GRIK4: variants seen among roughly 807,000 people sequenced by gnomAD.
GRIK4 encodes glutamate ionotropic receptor kainate type subunit 4.
A neutral mutation model predicts 104.9 loss-of-function variants in GRIK4; 40 were observed. The observed-to-expected ratio is 0.38, with a 90% confidence interval of 0.30 to 0.50. GRIK4 has a LOEUF of 0.50. Ranked by LOEUF, GRIK4 falls within the 20% of genes least tolerant of loss-of-function variation. GRIK4 has a pLI of 0.93. For missense variants in GRIK4, 1,047 were observed against 1,308.1 expected, an observed-to-expected ratio of 0.80 and a Z score of 3.08; for synonymous variants, 485 against 524.9, an observed-to-expected ratio of 0.92 and a Z score of 1.04.
Position 120,802,868 on chromosome 11 carries a change from T to A in GRIK4, c.247+11T>A. On this transcript the variant is annotated intron_variant, in intron 4 of 20. Transcript: ENST00000527524. ...AGACTGCAGAAACCAGTACGTAGAC[T>A]GGGCAGGGCTGCCTCTTCCCTTGCT... 6.2e-7 allele frequency: 1 copy of A among 1,612,508 alleles called. No homozygotes were observed. The highest frequency in any genetic ancestry group is 8.5e-7 in the Non-Finnish European group (1 of 1,178,616).
At chr11:120,844,235 C>T (rs915315882) in intron 8 of GRIK4, among the ~76,000 whole-genome samples, 5 of 152,136 alleles carry the variant, frequency 3.3e-5, no homozygotes, top group African/African-American at 4.8e-5. Context: ...GGTGAGTTGA[C>T]GCTACTCATC....
In GRIK4 at chr11:120,550,829, C is replaced by T. The variant is rs146242171; in HGVS notation, c.-159+38942C>T. Among the ~76,000 whole-genome samples the T allele has an allele frequency of 4.3e-4, 66 of 152,106 alleles. 1 individual carries two copies. In the East Asian group the frequency reaches 0.011, roughly 26 times the overall value. The stretch of plus-strand genomic sequence containing the variant: ...TGGAGAGTGAGTGGGAGGAGAGGAA[C>T]GGAGGAGTGGGCACAAACCGTTCTT... On this transcript the variant is annotated intron_variant, in intron 1 of 20. Transcript: ENST00000527524.
At chr11:120,682,155 C>G (rs2135289059) in intron 3 of GRIK4, among the ~76,000 whole-genome samples, 1 of 152,302 alleles carries the variant, frequency 6.6e-6, no homozygotes, top group Non-Finnish European at 1.5e-5. Flanking sequence ...CAAGCTTTGG[C>G]TGGAATCGTC....
intron 8 of GRIK4, among the ~76,000 whole-genome samples, chr11:120,843,270 C>T (rs549815256): frequency 2.8e-4 from 43 of 152,368 alleles, no homozygotes; most frequent in Non-Finnish European, 4.4e-4. Flanking sequence ...CTCTCGGCAC[C>T]GCCGCTGTGC....
chr11:120,943,140 ACACACACACACCCC>A (rs1234587647), intron 14 of GRIK4, among the ~76,000 whole-genome samples: 79 of 121,804 alleles, frequency 6.5e-4, no homozygotes, highest in South Asian at 2.2e-3. Context: ...ACACACACAC[ACACACACACACCCC>A]CCTGACTGTT....
chr11:120,614,528 C>T (rs966961965), intron 1 of GRIK4, among the ~76,000 whole-genome samples: 1 of 152,194 alleles, frequency 6.6e-6, no homozygotes, highest in African/African-American at 2.4e-5. Flanking sequence ...CATGGCCCCA[C>T]AGCTGCTCCT....
intron 3 of GRIK4, among the ~76,000 whole-genome samples, chr11:120,685,768 A>C (rs773144334): frequency 6.6e-6 from 1 of 152,120 alleles, no homozygotes; most frequent in Non-Finnish European, 1.5e-5. Context: ...CTTGGTTTCC[A>C]TTAGGCTATG....
intron 11 of GRIK4, among the ~76,000 whole-genome samples, chr11:120,885,865 ACTGAG>A (rs1247801074): frequency 2.6e-5 from 4 of 152,182 alleles, no homozygotes; most frequent in Non-Finnish European, 4.4e-5. Context: ...ACTAGGGTGG[ACTGAG>A]CTCCACTCCT....
intron 11 of GRIK4, among the ~76,000 whole-genome samples, chr11:120,886,498 G>A (rs1396877091): frequency 6.6e-6 from 1 of 152,190 alleles, no homozygotes; most frequent in Non-Finnish European, 1.5e-5. Context: ...CATATATTAA[G>A]CGAGGTGCCT....
At chr11:120,761,720 G>A (rs1288092352) in intron 3 of GRIK4, among the ~76,000 whole-genome samples, 2 of 152,142 alleles carry the variant, frequency 1.3e-5, no homozygotes, top group Non-Finnish European at 2.9e-5. Flanking sequence ...TTTTCCCATT[G>A]CTTGTTTTTG....
intron 13 of GRIK4, among the ~76,000 whole-genome samples, chr11:120,927,205 C>T (rs1943367265): frequency 6.7e-6 from 1 of 150,268 alleles, no homozygotes; most frequent in Admixed American, 6.7e-5. Context: ...TTGGAAGTCT[C>T]TCGGTTCTTT....
intron 20 of GRIK4, among the ~76,000 whole-genome samples, chr11:120,982,955 T>C (rs1414112029): frequency 1.3e-5 from 2 of 152,180 alleles, no homozygotes; most frequent in African/African-American, 4.8e-5. Context: ...TGTCTCCTTG[T>C]AGGACTTCCA....
intron 13 of GRIK4, among the ~76,000 whole-genome samples, chr11:120,927,234 C>T (rs1401292020): frequency 6.6e-6 from 1 of 151,980 alleles, no homozygotes; most frequent in Non-Finnish European, 1.5e-5. Flanking sequence ...CCACATACAC[C>T]CATGGTCTGA....
chr11:120,824,853 T>C (rs1411819346), intron 6 of GRIK4, among the ~76,000 whole-genome samples: 1 of 151,982 alleles, frequency 6.6e-6, no homozygotes, highest in Non-Finnish European at 1.5e-5. Context: ...CCTGGCCTTA[T>C]TTTATTATTA....
At chr11:120,577,089 A>G (rs1948495366) in intron 1 of GRIK4, among the ~76,000 whole-genome samples, 1 of 152,218 alleles carries the variant, frequency 6.6e-6, no homozygotes, top group South Asian at 2.1e-4. Flanking sequence ...TAATGAGAAT[A>G]TAAGAGAAAC....
intron 1 of GRIK4, among the ~76,000 whole-genome samples, chr11:120,588,540 G>A (rs1948697320): frequency 6.6e-6 from 1 of 152,152 alleles, no homozygotes; most frequent in Non-Finnish European, 1.5e-5. Flanking sequence ...AGGAAAGCCT[G>A]ACAGCAGAAG....
intron 3 of GRIK4, among the ~76,000 whole-genome samples, chr11:120,744,863 T>C (rs1951412926): frequency 6.6e-6 from 1 of 152,170 alleles, no homozygotes; most frequent in Non-Finnish European, 1.5e-5. Context: ...CAGCAATGAA[T>C]ATATCAAAAT....
At chr11:120,796,943 G>A (rs1952530644) in intron 3 of GRIK4, among the ~76,000 whole-genome samples, 2 of 152,132 alleles carry the variant, frequency 1.3e-5, no homozygotes, top group South Asian at 4.2e-4. Flanking sequence ...AATATGGAGA[G>A]GAGTTTGGGG....
chr11:120,875,206 T>C lies in GRIK4; in HGVS notation c.1127T>C (p.Leu376Ser). ...NSKGQRSNYA[L>S]KILQFTRNGF... ...AAAGGCCAGAGGTCCAACTACGCTTTGAAAATCTTACAGTTCACAAGGAAT... is the reference window on the plus strand; with the variant it reads ...AAAGGCCAGAGGTCCAACTACGCTTCGAAAATCTTACAGTTCACAAGGAAT... The change falls in exon 11 of 21, where the codon TTG becomes TCG. Residue 376 changes from leucine to serine, a missense_variant. Coordinates refer to ENST00000527524, the MANE Select transcript of GRIK4 (RefSeq NM_014619.5). The C allele has an allele frequency of 6.2e-7, 1 of 1,613,602 alleles. No individual in the cohort carries two copies. The highest frequency in any genetic ancestry group is 8.5e-7 in the Non-Finnish European group (1 of 1,179,514).
Sources: allele counts gnomAD v4.1 joint callset (sites outside exome capture counted in the v4.1 genomes callset), GRCh38; gene constraint gnomAD v4.1.1; transcripts MANE v1.5; gene names NCBI Gene and HGNC (gene_info 2026-07-23, HGNC 2026-07-21).